SPATA1: variants seen among roughly 807,000 people sequenced by gnomAD.
SPATA1 encodes spermatogenesis associated 1.
A neutral mutation model predicts 59.6 loss-of-function variants in SPATA1; 57 were observed. The observed-to-expected ratio is 0.96, with a 90% CI of 0.77 to 1.19. The LOEUF (loss-of-function observed/expected upper bound fraction) is 1.19. SPATA1 is among the 50% of genes most tolerant of loss of function. SPATA1 has a pLI of 0.00. For synonymous variants in SPATA1, 147 were observed against 163.9 expected, an observed-to-expected ratio of 0.90 and a Z score of 0.79; for missense variants, 448 against 480.7, an observed-to-expected ratio of 0.93 and a Z score of 0.64.
At chr1:84,525,885 A>G (rs1221322294) in exon 6 of SPATA1, 7 of 1,613,538 alleles carry the variant, frequency 4.3e-6, no homozygotes, top group African/African-American at 1.3e-5. Context: ...GTAATGGACC[A>G]TTTAGGAAAT....
intron 1 of SPATA1, among the ~76,000 whole-genome samples, chr1:84,514,046 T>C (rs1395745385): frequency 6.6e-6 from 1 of 152,066 alleles, no homozygotes; most frequent in Non-Finnish European, 1.5e-5. Flanking sequence ...GGTTTCACCA[T>C]GTTGGCCAGA....
chr1:84,550,929 C>T (rs948493685), intron 12 of SPATA1: 2 of 977,574 alleles, frequency 2.0e-6, no homozygotes, highest in African/African-American at 3.5e-5. Context: ...TGGTTATTTT[C>T]ATATGTATTC....
At chr1:84,554,996 TG>T (rs1399023499), downstream of SPATA1, 2 of 1,612,290 alleles carry the variant, frequency 1.2e-6, no homozygotes, top group African/African-American at 2.7e-5. Flanking sequence ...TGACAAAAGA[TG>T]TTCATCTCTG....
At chr1:84,506,766 AC>A (rs945160158) in intron 1 of SPATA1, 1 of 152,404 alleles carries the variant, frequency 6.6e-6, no homozygotes, top group Non-Finnish European at 1.5e-5. Flanking sequence ...GCTGTCGCGT[AC>A]CCAGCGGAGC....
chr1:84,546,457 C>CAAAAAAA (rs10618711), intron 10 of SPATA1, among the ~76,000 whole-genome samples: 1 of 82,070 alleles, frequency 1.2e-5, no homozygotes, highest in Non-Finnish European at 2.5e-5. Context: ...GACTCTGCCT[C>CAAAAAAA]AAAAAAAAAA....
intron 4 of SPATA1, among the ~76,000 whole-genome samples, chr1:84,562,255 T>G (rs981380687): frequency 1.3e-5 from 2 of 152,230 alleles, no homozygotes; most frequent in Non-Finnish European, 2.9e-5. Flanking sequence ...CACATGTGCA[T>G]CTGTGTGTGT....
In SPATA1 at chr1:84,552,843, A is replaced by G; in HGVS notation, c.1225-192A>G. 9 of 505,602 alleles carry G rather than the reference A, an allele frequency of 1.8e-5. No individual in the cohort carries two copies. The South Asian group carries it at 2.3e-4, about 13-fold the overall frequency. The allele number at this position is 505,602 out of a possible 1,614,324, so 31.3% of individuals were successfully genotyped here. On this transcript the variant is annotated intron_variant, in intron 12 of 12. Transcript: ENST00000490879. Reference sequence around the variant, plus strand: ...ACCTTATAGCATATCTCACCAGTAGATAAGCATGCTTATTAAACAGCATTC... The same window carrying G: ...ACCTTATAGCATATCTCACCAGTAGGTAAGCATGCTTATTAAACAGCATTC...
At chr1:84,550,967 T>A in intron 12 of SPATA1, 2 of 983,246 alleles carry the variant, frequency 2.0e-6, no homozygotes, top group Non-Finnish European at 2.4e-6. Context: ...TAATGTGTCT[T>A]CTACTAGATG....
At chr1:84,545,406 G>T (rs562933576) in intron 9 of SPATA1, among the ~76,000 whole-genome samples, 1 of 151,988 alleles carries the variant, frequency 6.6e-6, no homozygotes, top group South Asian at 2.1e-4. Context: ...ATGAAATGCA[G>T]AAAAAACACA....
downstream of SPATA1, among the ~76,000 whole-genome samples, chr1:84,558,304 T>C (rs1460812401): frequency 6.6e-6 from 1 of 151,948 alleles, no homozygotes; most frequent in Non-Finnish European, 1.5e-5. Context: ...TTTTTTTTTT[T>C]TTTGAGACGG....
chr1:84,522,443 TG>T lies in SPATA1; in HGVS notation c.200del (p.Gly67ValfsTer12). On this transcript the variant is annotated frameshift_variant, in exon 4 of 13. Transcript: ENST00000490879. LOFTEE classifies it high-confidence loss of function. ...CTGAGGGAGCGTCTTGGTGAGTTCC[TG>T]GGTGAAGATGCTATTGCAGAAAAAT... 1 of 1,544,718 alleles carries T rather than the reference TG, an allele frequency of 6.5e-7. No homozygotes were observed. The highest frequency in any genetic ancestry group is 8.8e-7 in the Non-Finnish European group (1 of 1,141,438).
chr1:84,511,685 T>C (rs1171987640), intron 1 of SPATA1, among the ~76,000 whole-genome samples: 1 of 145,290 alleles, frequency 6.9e-6, no homozygotes, highest in East Asian at 2.0e-4. Context: ...CTTTCTTTTT[T>C]TTTTTTTTTT....
downstream of SPATA1, chr1:84,554,811 C>T: frequency 1.9e-6 from 1 of 515,114 alleles, no homozygotes; most frequent in Non-Finnish European, 3.4e-6. Context: ...TTGCTTCTTG[C>T]CTTTATGTTC....
chr1:84,537,644 G>C (rs1683751824), intron 8 of SPATA1, among the ~76,000 whole-genome samples: 1 of 152,186 alleles, frequency 6.6e-6, no homozygotes, highest in African/African-American at 2.4e-5. Flanking sequence ...TTAAGGGGAT[G>C]AGAGGTTGTT....
chr1:84,510,616 AC>A (rs1682494824), intron 1 of SPATA1, among the ~76,000 whole-genome samples: 1 of 152,180 alleles, frequency 6.6e-6, no homozygotes, highest in South Asian at 2.1e-4. Flanking sequence ...CTCAGAAAAA[AC>A]TAAAAATAGA....
rs1382745364 is a variant in SPATA1, at chr1:84,547,637, T to C, written c.947-1149T>C. 2.6e-5 allele frequency among the ~76,000 whole-genome samples: 4 copies of C among 152,008 alleles called. No individual in the cohort carries two copies. The East Asian group carries it at 5.8e-4, about 22-fold the overall frequency. ...TCTGAGAAGATTAAGATTTGATTAA[T>C]AGGGAGGCAGGCACAAAGGGAACAC... On this transcript the variant is annotated intron_variant, in intron 10 of 12. Transcript: ENST00000490879.
chr1:84,550,540 AT>A lies in SPATA1; in HGVS notation c.1224+15del. The A allele has an allele frequency of 6.6e-7, 1 of 1,506,702 alleles. No homozygotes were observed. The highest frequency in any genetic ancestry group is 8.9e-7 in the Non-Finnish European group (1 of 1,125,006). The allele number at this position is 1,506,702 out of a possible 1,614,324, so 93.3% of individuals were successfully genotyped here. On this transcript the variant is annotated intron_variant, in intron 12 of 12. Coordinates refer to ENST00000490879, the Ensembl canonical transcript of SPATA1. ...CATAGTAGAAGTTAAGGTAATTTAC[AT>A]TTTTCCTAATCAGATTATTATAACA...
chr1:84,509,218 A>AAAAAAAAAC (rs1299783410), intron 1 of SPATA1, among the ~76,000 whole-genome samples: 2 of 152,078 alleles, frequency 1.3e-5, no homozygotes, highest in Non-Finnish European at 2.9e-5. Context: ...TAAAAAAAAA[A>AAAAAAAAAC]AAAACATAGA....
chr1:84,515,287 G>A (rs1354339175), intron 1 of SPATA1, among the ~76,000 whole-genome samples: 4 of 152,076 alleles, frequency 2.6e-5, no homozygotes. Context: ...CACATTCTAA[G>A]TTTTAATTAT....
Sources: allele counts gnomAD v4.1 joint callset (sites outside exome capture counted in the v4.1 genomes callset), GRCh38; gene constraint gnomAD v4.1.1; transcripts MANE v1.5; gene names NCBI Gene and HGNC (gene_info 2026-07-23, HGNC 2026-07-21).